PRR5L: variants seen among roughly 807,000 people sequenced by gnomAD.
The protein encoded by PRR5L is proline rich 5 like, also known as proline-rich protein 5-like.
PRR5L carries 21 observed loss-of-function variants against 36.4 expected under a neutral mutation model. The observed-to-expected ratio is 0.58, with a 90% CI of 0.41 to 0.83. The LOEUF (loss-of-function observed/expected upper bound fraction) is 0.83. Ranked by LOEUF, PRR5L falls within the 40% of genes least tolerant of loss-of-function variation. PRR5L has a pLI of 0.00. For synonymous variants in PRR5L, 188 were observed against 197.0 expected, an observed-to-expected ratio of 0.95 and a Z score of 0.38; for missense variants, 381 against 473.3, an observed-to-expected ratio of 0.80 and a Z score of 1.81.
At chr11:36,374,097 CCTTCCTTCCT>C (rs1391706569) in intron 1 of PRR5L, among the ~76,000 whole-genome samples, 9 of 102,980 alleles carry the variant, frequency 8.7e-5, no homozygotes, top group East Asian at 2.7e-4. Flanking sequence ...TTCCTTCCTT[CCTTCCTTCCT>C]CTCTCTCTCT....
chr11:36,447,735 G>T (rs1355735419), intron 7 of PRR5L, among the ~76,000 whole-genome samples: 1 of 152,130 alleles, frequency 6.6e-6, no homozygotes, highest in East Asian at 1.9e-4. Context: ...CCATCCTTCT[G>T]GGCATTCTCC....
intron 1 of PRR5L, among the ~76,000 whole-genome samples, chr11:36,346,623 G>A (rs1433879613): frequency 6.6e-6 from 1 of 151,962 alleles, no homozygotes; most frequent in African/African-American, 2.4e-5. Context: ...TTACAGCATT[G>A]TCCATAGTGA....
chr11:36,327,051 T>G (rs1300501451), intron 1 of PRR5L, among the ~76,000 whole-genome samples: 1 of 152,204 alleles, frequency 6.6e-6, no homozygotes, highest in Non-Finnish European at 1.5e-5. Flanking sequence ...AGAATAATTC[T>G]TGTATACAGG....
At chr11:36,458,332 T>A (rs1027605347) in intron 8 of PRR5L, among the ~76,000 whole-genome samples, 9 of 152,236 alleles carry the variant, frequency 5.9e-5, no homozygotes, top group African/African-American at 2.2e-4. Context: ...GAAACGGGGC[T>A]GAGCCTCAGT....
At chr11:36,384,347 C>T (rs546459414) in intron 1 of PRR5L, among the ~76,000 whole-genome samples, 1 of 152,280 alleles carries the variant, frequency 6.6e-6, no homozygotes, top group East Asian at 1.9e-4. Context: ...CAATTACAGC[C>T]CTTGGTGTCT....
At position 36,350,944 on chromosome 11, in the gene PRR5L, A is replaced by ATATTTATATATT. The variant is rs1554986952; in HGVS notation, c.-125-50050_-125-50049insTTATATATTTAT. ...TTTATATATATTTATATATTTATAT[A>ATATTTATATATT]TATATATTTATATATATTTATATAT... On this transcript the variant is annotated intron_variant, in intron 1 of 8. Coordinates refer to ENST00000530639, the MANE Select transcript of PRR5L (RefSeq NM_001160167.2). 9.2e-3 allele frequency among the ~76,000 whole-genome samples: 528 copies of ATATTTATATATT among 57,086 alleles called. 79 individuals are homozygous for ATATTTATATATT. Among genetic ancestry groups the ATATTTATATATT allele is most frequent in the African/African-American group, 0.02 (216 of 10,576 alleles). 37.5% of individuals were successfully genotyped at this position (57,086 alleles called of 152,430 possible).
intron 2 of PRR5L, 62 bp downstream of exon 2, chr11:36,401,347 A>G (rs982745158): frequency 6.6e-7 from 1 of 1,515,634 alleles, no homozygotes; most frequent in Non-Finnish European, 9.0e-7. Context: ...GGAGGGAGGC[A>G]TCCGGGGGCT....
At chr11:36,367,171 A>G (rs923133223) in intron 1 of PRR5L, among the ~76,000 whole-genome samples, 1 of 152,166 alleles carries the variant, frequency 6.6e-6, no homozygotes, top group Non-Finnish European at 1.5e-5. Flanking sequence ...ATTTATATTC[A>G]ACAGCATGCA....
rs1382086397 is a variant in PRR5L at position 36,351,596 on chromosome 11, TATATAA to T, written c.-125-49395_-125-49390del. On this transcript the variant is annotated intron_variant, in intron 1 of 8. Transcript: ENST00000530639. ...TTATATAAATATATATTTATATATTTATATAAATATATATTTATATATTTATATATT... is the reference window on the plus strand; with the variant it reads ...TTATATAAATATATATTTATATATTTATATATATTTATATATTTATATATT... Among the ~76,000 whole-genome samples the T allele has an allele frequency of 3.4e-3, 41 of 12,236 alleles. 8 individuals are homozygous for T. Among genetic ancestry groups the T allele is most frequent in the East Asian group, 0.029 (5 of 172 alleles). 8.0% of individuals were successfully genotyped at this position (12,236 alleles called of 152,430 possible). A position where few individuals can be genotyped will look rare whatever the true frequency, so the allele number is the denominator to read the frequency against.
intron 3 of PRR5L, among the ~76,000 whole-genome samples, chr11:36,410,151 G>A (rs1436481969): frequency 1.3e-5 from 2 of 152,306 alleles, no homozygotes; most frequent in African/African-American, 4.8e-5. Context: ...TGGCTTTCAG[G>A]TTAAGAAGGG....
intron 3 of PRR5L, among the ~76,000 whole-genome samples, chr11:36,411,798 C>G (rs1423579946): frequency 6.6e-6 from 1 of 152,130 alleles, no homozygotes; most frequent in African/African-American, 2.4e-5. Context: ...CTAGTCTGGC[C>G]CTACCTAACA....
intron 1 of PRR5L, among the ~76,000 whole-genome samples, chr11:36,397,300 G>A (rs570844150): frequency 3.4e-4 from 52 of 151,884 alleles, no homozygotes; most frequent in Admixed American, 5.2e-4. Flanking sequence ...TCCTGCCCTC[G>A]AGATCTACCC....
At chr11:36,371,403 G>A (rs370569175) in intron 1 of PRR5L, among the ~76,000 whole-genome samples, 5 of 152,180 alleles carry the variant, frequency 3.3e-5, no homozygotes, top group Admixed American at 6.5e-5. Context: ...GAGTGCTTAC[G>A]CAAGTTTTAT....
chr11:36,296,917 A>ATT, intron 1 of PRR5L, among the ~76,000 whole-genome samples: 1 of 151,498 alleles, frequency 6.6e-6, no homozygotes, highest in South Asian at 2.1e-4. Context: ...CTTGTAAAGC[A>ATT]TTTTTTTTTA....
chr11:36,360,543 T>A (rs188977930), intron 1 of PRR5L, among the ~76,000 whole-genome samples: 2 of 152,268 alleles, frequency 1.3e-5, no homozygotes, highest in African/African-American at 4.8e-5. Context: ...CAAAGGGGTA[T>A]GTGCACATGT....
intron 1 of PRR5L, among the ~76,000 whole-genome samples, chr11:36,334,051 C>G (rs1856745209): frequency 6.6e-6 from 1 of 152,112 alleles, no homozygotes; most frequent in Admixed American, 6.6e-5. Flanking sequence ...CAGGCTGCAC[C>G]ATGGAGGAAG....
chr11:36,426,619 C>G (rs1858388551), intron 4 of PRR5L, among the ~76,000 whole-genome samples: 1 of 152,226 alleles, frequency 6.6e-6, no homozygotes, highest in Non-Finnish European at 1.5e-5. Flanking sequence ...AAAGTCTGGT[C>G]TCACACTTGC....
chr11:36,451,465 G>A, intron 8 of PRR5L, 130 bp downstream of exon 8: 2 of 1,130,696 alleles, frequency 1.8e-6, no homozygotes, highest in Non-Finnish European at 2.5e-6. Context: ...TGCTTCCTGT[G>A]CGGGTCAGTG....
intron 6 of PRR5L, among the ~76,000 whole-genome samples, chr11:36,444,550 G>A (rs1858788545): frequency 6.6e-6 from 1 of 152,182 alleles, no homozygotes; most frequent in African/African-American, 2.4e-5. Flanking sequence ...TGCAGTTCAG[G>A]GGAATGAAGA....
Sources: allele counts gnomAD v4.1 joint callset (sites outside exome capture counted in the v4.1 genomes callset), GRCh38; gene constraint gnomAD v4.1.1; transcripts MANE v1.5; gene names NCBI Gene and HGNC (gene_info 2026-07-23, HGNC 2026-07-21).